ERICH3: variants seen among roughly 807,000 people sequenced by gnomAD.
ERICH3 encodes the protein glutamate rich 3, also known as glutamate-rich protein 3.
ERICH3 carries 126 observed loss-of-function variants against 131.1 expected under a neutral mutation model. The observed-to-expected ratio is 0.96, with a 90% confidence interval of 0.83 to 1.11. ERICH3 has a LOEUF of 1.11. Ranked by LOEUF, ERICH3 falls within the 50% of genes most tolerant of loss-of-function variation. The pLI, the probability that ERICH3 is intolerant of heterozygous loss-of-function variation, is 0.00. For missense variants in ERICH3, 2,050 were observed against 1,810.7 expected (o/e 1.13, Z -2.40); for synonymous variants, 695 against 644.6 (o/e 1.08, Z -1.18).
chr1:74,670,008 T>C (rs1028863249), intron 1 of ERICH3, among the ~76,000 whole-genome samples: 10 of 152,218 alleles, frequency 6.6e-5, no homozygotes, highest in African/African-American at 2.4e-4. Flanking sequence ...CTACTGAAAC[T>C]TTTATTATTT....
chr1:74,584,427 A>G (rs1368226251), intron 12 of ERICH3, among the ~76,000 whole-genome samples: 4 of 152,122 alleles, frequency 2.6e-5, no homozygotes, highest in East Asian at 1.9e-4. Flanking sequence ...CTTGTTTACT[A>G]GACTCTGTCA....
At chr1:74,665,148 C>T (rs753945537) in intron 1 of ERICH3, among the ~76,000 whole-genome samples, 3 of 151,922 alleles carry the variant, frequency 2.0e-5, no homozygotes, top group African/African-American at 7.3e-5. Flanking sequence ...ACCCCTTCTG[C>T]CATGTGAGGG....
intron 12 of ERICH3, among the ~76,000 whole-genome samples, chr1:74,583,894 T>C (rs980871323): frequency 6.6e-6 from 1 of 152,140 alleles, no homozygotes; most frequent in Non-Finnish European, 1.5e-5. Context: ...ACCAAATTGA[T>C]CCCATCTTAA....
At chr1:74,576,844 C>A in intron 13 of ERICH3, 51 bp downstream of exon 13, 1 of 1,498,578 alleles carries the variant, frequency 6.7e-7, no homozygotes. Flanking sequence ...ATTTATGAGT[C>A]ATGGTCTGTT....
chr1:74,594,650 C>A (rs1647764261), intron 11 of ERICH3, among the ~76,000 whole-genome samples: 2 of 152,072 alleles, frequency 1.3e-5, no homozygotes, highest in Non-Finnish European at 2.9e-5. Context: ...GGAAATAGAT[C>A]CACTGTACAT....
intron 11 of ERICH3, among the ~76,000 whole-genome samples, chr1:74,593,086 A>G (rs1317800123): frequency 1.3e-5 from 2 of 152,158 alleles, no homozygotes; most frequent in African/African-American, 2.4e-5. Context: ...TAGTGATGCT[A>G]TAAGAACCTG....
In ERICH3 at chr1:74,569,199, C is replaced by T. The variant is rs1268768702; in HGVS notation, c.*1259G>A. On this transcript the variant is annotated 3_prime_UTR_variant, in exon 15 of 15. Coordinates refer to ENST00000326665, the MANE Select transcript of ERICH3 (RefSeq NM_001002912.5). Reference sequence around the variant, plus strand: ...GTGAAAAGTTAAAAATATATATATACTGATGTGTAGATCCATCTAAAACGA... The same window carrying T: ...GTGAAAAGTTAAAAATATATATATATTGATGTGTAGATCCATCTAAAACGA... 5 of 152,108 alleles carry T rather than the reference C, an allele frequency of 3.3e-5. No individual in the cohort carries two copies. In the East Asian group the frequency reaches 9.7e-4, roughly 29 times the overall value. 9.4% of individuals were successfully genotyped at this position (152,108 alleles called of 1,614,324 possible). A position where few individuals can be genotyped will look rare whatever the true frequency, so the allele number is the denominator to read the frequency against.
chr1:74,596,490 ATCTTC>A (rs1383535225), intron 11 of ERICH3, among the ~76,000 whole-genome samples: 6 of 152,088 alleles, frequency 3.9e-5, no homozygotes, highest in African/African-American at 1.4e-4. Context: ...AATATTCAAA[ATCTTC>A]TCTTCTAGCT....
intron 1 of ERICH3, among the ~76,000 whole-genome samples, chr1:74,659,766 T>G (rs1343207596): frequency 6.6e-6 from 1 of 152,152 alleles, no homozygotes; most frequent in East Asian, 1.9e-4. Context: ...AAGAAGGGTA[T>G]CCAAGAAGAA....
chr1:74,590,951 T>C (rs975854755), intron 11 of ERICH3, among the ~76,000 whole-genome samples: 1 of 152,218 alleles, frequency 6.6e-6, no homozygotes, highest in African/African-American at 2.4e-5. Context: ...TAATCCTTTG[T>C]CTCTTCAACA....
intron 8 of ERICH3, among the ~76,000 whole-genome samples, chr1:74,619,110 C>T (rs971882236): frequency 2.6e-5 from 4 of 152,198 alleles, no homozygotes; most frequent in Non-Finnish European, 5.9e-5. Context: ...AGTCCCCATT[C>T]CATGCTATTA....
At chr1:74,597,314 TA>T (rs201877026) in intron 11 of ERICH3, among the ~76,000 whole-genome samples, 1 of 150,472 alleles carries the variant, frequency 6.6e-6, no homozygotes. Flanking sequence ...GACGATGGAG[TA>T]AAAAAAAACC....
At chr1:74,608,156 T>C (rs1326054177) in intron 9 of ERICH3, among the ~76,000 whole-genome samples, 1 of 151,930 alleles carries the variant, frequency 6.6e-6, no homozygotes, top group African/African-American at 2.4e-5. Context: ...ATGATTTAAC[T>C]AGTAGAGATG....
At chr1:74,673,870 G>C (rs758316131), upstream of ERICH3, 1 of 260,680 alleles carries the variant, frequency 3.8e-6, no homozygotes, top group African/African-American at 2.2e-5. Flanking sequence ...GGAGACCCAA[G>C]CAAGCCCCTG....
intron 7 of ERICH3, chr1:74,622,278 A>G (rs1649249440): frequency 1.3e-5 from 2 of 152,154 alleles, no homozygotes; most frequent in South Asian, 2.1e-4. Flanking sequence ...ATTCAAGCAA[A>G]TTTTCTTGCC....
At chr1:74,644,359 G>A (rs759411033) in intron 3 of ERICH3, among the ~76,000 whole-genome samples, 3 of 152,016 alleles carry the variant, frequency 2.0e-5, no homozygotes, top group Non-Finnish European at 4.4e-5. Flanking sequence ...CCCTACTGCT[G>A]AAACTACTTT....
chr1:74,620,811 C>T lies in ERICH3; in HGVS notation c.923G>A (p.Arg308Gln), dbSNP rs749214410. Residue 308 changes from arginine to glutamine, a missense_variant, in exon 8 of 15, where the codon CGG (arginine) becomes CAG (glutamine). Coordinates refer to ENST00000326665, the MANE Select transcript of ERICH3 (RefSeq NM_001002912.5). The part of the protein sequence containing the change: ...VHLSSDNPDF[R>Q]DEIKVYQQHC... ...CTGCTGATAAACTTTAATTTCATCC[C>T]GGAAGTCAGGATTATCAGAAGATAG... 116 of 1,613,230 alleles carry T rather than the reference C, an allele frequency of 7.2e-5. No individual in the cohort carries two copies. The highest frequency in any genetic ancestry group is 4.8e-4 in the Admixed American group (29 of 59,916).
chr1:74,661,241 C>A lies in ERICH3; in HGVS notation c.24-11926G>T, dbSNP rs547672681. On this transcript the variant is annotated intron_variant, in intron 1 of 14. Coordinates refer to ENST00000326665, the MANE Select transcript of ERICH3 (RefSeq NM_001002912.5). ...TGCTCAGCCATTTAAAAATAATACCCATAAGATTTTCACCAGTCTTTCTAC... is the reference window on the plus strand; with the variant it reads ...TGCTCAGCCATTTAAAAATAATACCAATAAGATTTTCACCAGTCTTTCTAC... Among the ~76,000 whole-genome samples the A allele has an allele frequency of 3.3e-5, 5 of 152,100 alleles. No homozygotes were observed. In the South Asian group the frequency reaches 1.0e-3, roughly 32 times the overall value.
intron 11 of ERICH3, among the ~76,000 whole-genome samples, chr1:74,592,798 T>C (rs895441661): frequency 6.6e-6 from 1 of 152,132 alleles, no homozygotes; most frequent in African/African-American, 2.4e-5. Context: ...TATAATTTAG[T>C]TTCACTCTCA....
Sources: gnomAD v4.1 joint callset for allele counts (sites outside exome capture counted in the v4.1 genomes callset) on GRCh38, gnomAD v4.1.1 for gene constraint, MANE v1.5 for transcripts, NCBI Gene and HGNC (gene_info 2026-07-23, HGNC 2026-07-21) for gene names.